VPS13B: variants seen among roughly 807,000 people sequenced by gnomAD.
VPS13B encodes vacuolar protein sorting 13 homolog B.
VPS13B carries 285 observed loss-of-function variants against 426.4 expected under a neutral mutation model. The ratio of observed to expected loss-of-function variants is 0.67; its 90% CI spans 0.61 to 0.74. The LOEUF is 0.74. Ranked by LOEUF, VPS13B falls within the 30% of genes least tolerant of loss-of-function variation. VPS13B has a pLI of 0.00. For synonymous variants in VPS13B, 1,676 were observed against 1,676.4 expected (o/e 1.00, Z 0.01); for missense variants, 4,537 against 4,782.6 (o/e 0.95, Z 1.51).
rs756048204 is a variant in VPS13B at position 99,835,243 on chromosome 8, A to G, written c.9661A>G (p.Thr3221Ala). 11 of 1,613,862 alleles carry G rather than the reference A, an allele frequency of 6.8e-6. No homozygotes were observed. Among genetic ancestry groups the G allele is most frequent in the Middle Eastern group, 1.6e-4 (1 of 6,080 alleles). The part of the protein sequence containing the change: ...YQEHLGVTYL[T>A]LSEDPSPRVI... ...AGAACACCTCGGAGTGACTTATTTAACCCTCTCAGAAGACCCTAGTCCTCG... is the reference window on the plus strand; with the variant it reads ...AGAACACCTCGGAGTGACTTATTTAGCCCTCTCAGAAGACCCTAGTCCTCG... The change falls in exon 53 of 62, where the codon ACC becomes GCC. Residue 3221 changes from threonine to alanine, a missense_variant. Coordinates refer to ENST00000357162, the MANE Select transcript of VPS13B (RefSeq NM_152564.5).
At position 99,410,784 on chromosome 8, in the gene VPS13B, A is replaced by T. The variant is rs551140060; in HGVS notation, c.3082+19080A>T. Among the ~76,000 whole-genome samples, 123 of 151,480 alleles carry T rather than the reference A, an allele frequency of 8.1e-4. 1 individual carries two copies. The South Asian group carries it at 0.025, about 31-fold the overall frequency. ...AGTGTCCATGTGTTCTTGTTGTTCA[A>T]CTCCCACTTACAAGTGAGATCATGT... is the stretch of plus-strand genomic sequence containing the variant. On this transcript the variant is annotated intron_variant, in intron 21 of 61. Coordinates refer to ENST00000357162, the MANE Select transcript of VPS13B (RefSeq NM_152564.5).
intron 17 of VPS13B, among the ~76,000 whole-genome samples, chr8:99,238,451 A>G (rs1816753115): frequency 6.6e-6 from 1 of 152,208 alleles, no homozygotes; most frequent in Non-Finnish European, 1.5e-5. Context: ...TAGGTGAAGG[A>G]TGATGCTTGA....
At chr8:99,266,096 A>G (rs550023435) in intron 17 of VPS13B, among the ~76,000 whole-genome samples, 2 of 152,288 alleles carry the variant, frequency 1.3e-5, no homozygotes, top group Non-Finnish European at 2.9e-5. Flanking sequence ...TAATATGTAC[A>G]TCATAACTAC....
intron 39 of VPS13B, among the ~76,000 whole-genome samples, chr8:99,747,797 GTTTTT>G (rs938801015): frequency 6.6e-6 from 1 of 151,666 alleles, no homozygotes; most frequent in African/African-American, 2.4e-5. Context: ...TCTTTCTGAG[GTTTTT>G]TGTTTTGTTT....
chr8:99,764,974 G>A (rs764884792), intron 39 of VPS13B, among the ~76,000 whole-genome samples: 6 of 152,120 alleles, frequency 3.9e-5, no homozygotes, highest in Non-Finnish European at 8.8e-5. Context: ...GGCTAGGCGC[G>A]GTGGCTCATG....
At chr8:99,400,665 T>A in intron 21 of VPS13B, among the ~76,000 whole-genome samples, 1 of 151,600 alleles carries the variant, frequency 6.6e-6, no homozygotes, top group African/African-American at 2.4e-5. Flanking sequence ...ATGGTATTAC[T>A]TTTTTTTGTT....
At chr8:99,248,062 C>G (rs902193765) in intron 17 of VPS13B, among the ~76,000 whole-genome samples, 2 of 152,122 alleles carry the variant, frequency 1.3e-5, no homozygotes, top group Admixed American at 6.5e-5. Flanking sequence ...TATAAAACTG[C>G]TGGTGAAATG....
intron 39 of VPS13B, among the ~76,000 whole-genome samples, chr8:99,729,833 C>T (rs1034434561): frequency 6.6e-5 from 10 of 152,078 alleles, no homozygotes; most frequent in Non-Finnish European, 1.5e-4. Context: ...TGTTCTGAGT[C>T]AGATAGTAAT....
chr8:99,736,895 T>C (rs1397770331), intron 39 of VPS13B, among the ~76,000 whole-genome samples: 1 of 152,090 alleles, frequency 6.6e-6, no homozygotes, highest in African/African-American at 2.4e-5. Context: ...ACCATTCTTA[T>C]TTTACAGATG....
intron 40 of VPS13B, among the ~76,000 whole-genome samples, chr8:99,775,671 G>A (rs1811706283): frequency 6.6e-6 from 1 of 152,198 alleles, no homozygotes; most frequent in African/African-American, 2.4e-5. Flanking sequence ...GCCAAGGCGG[G>A]TGGATCACTT....
intron 25 of VPS13B, among the ~76,000 whole-genome samples, chr8:99,490,386 G>T (rs1390526660): frequency 1.3e-5 from 2 of 152,144 alleles, no homozygotes; most frequent in Non-Finnish European, 2.9e-5. Context: ...TCTCTGCCAG[G>T]CTTTGGTATC....
intron 40 of VPS13B, among the ~76,000 whole-genome samples, chr8:99,772,448 C>T (rs1252657405): frequency 1.3e-5 from 2 of 151,974 alleles, no homozygotes; most frequent in Non-Finnish European, 1.5e-5. Context: ...TGGTGGCTGT[C>T]AGGGGCTGTG....
Position 99,169,865 on chromosome 8 carries a change from G to T in VPS13B, c.2209-174G>T, listed in dbSNP as rs1812225107. 1.3e-5 allele frequency among the ~76,000 whole-genome samples: 2 copies of T among 152,100 alleles called. 1 individual carries two copies. Among genetic ancestry groups the T allele is most frequent in the Middle Eastern group, 6.8e-3 (2 of 294 alleles). On this transcript the variant is annotated intron_variant, in intron 15 of 61. Coordinates refer to ENST00000357162, the MANE Select transcript of VPS13B (RefSeq NM_152564.5). The stretch of plus-strand genomic sequence containing the variant: ...CTGTATATTTAAGTTTCTTAATTTT[G>T]ACCTACTGTCAAATTGTATAGAAGA...
In VPS13B at chr8:99,821,262, ATTACT is replaced by A. The variant is rs748836866; in HGVS notation, c.8995-28_8995-24del. 15 of 1,611,146 alleles carry A rather than the reference ATTACT, an allele frequency of 9.3e-6. 1 individual carries two copies. In the East Asian group the frequency reaches 3.1e-4, roughly 34 times the overall value. On this transcript the variant is annotated intron_variant, in intron 49 of 61. Transcript: ENST00000357162. ...AGTAAAAAATATCAAAGGTAAGAAAATTACTTTATAATTGAGGCATTATTTTTCCA... is the reference window on the plus strand; with the variant it reads ...AGTAAAAAATATCAAAGGTAAGAAAATTATAATTGAGGCATTATTTTTCCA...
intron 58 of VPS13B, among the ~76,000 whole-genome samples, chr8:99,866,125 C>T (rs1817085224): frequency 6.6e-6 from 1 of 152,264 alleles, no homozygotes; most frequent in South Asian, 2.1e-4. Flanking sequence ...TGGTCGCCCA[C>T]CCCACGGGCC....
At position 99,102,964 on chromosome 8, in the gene VPS13B, A is replaced by G. The variant is rs2132453819; in HGVS notation, c.424A>G (p.Ser142Gly). The G allele has an allele frequency of 6.2e-7, 1 of 1,605,826 alleles. No homozygotes were observed. The highest frequency in any genetic ancestry group is 1.7e-5 in the Admixed American group (1 of 60,004). The change falls in exon 5 of 62, where the codon AGT (serine) becomes GGT (glycine). Residue 142 changes from serine to glycine, a missense_variant. Transcript: ENST00000357162. Reference sequence around the variant, plus strand: ...TTTCTATTTTATAGGTTATGTGCAGAGTCTGATTAGACGAGTTGTAAATAA... The same window carrying G: ...TTTCTATTTTATAGGTTATGTGCAGGGTCTGATTAGACGAGTTGTAAATAA... ...DPDLPPGYVQ[S>G]LIRRVVNNVN...
intron 55 of VPS13B, among the ~76,000 whole-genome samples, chr8:99,849,251 A>G (rs1167106293): frequency 6.6e-6 from 1 of 152,204 alleles, no homozygotes; most frequent in Non-Finnish European, 1.5e-5. Context: ...GCTACATCAA[A>G]TATAAATACG....
chr8:99,377,736 T>C, intron 19 of VPS13B, among the ~76,000 whole-genome samples: 1 of 152,084 alleles, frequency 6.6e-6, no homozygotes, highest in East Asian at 1.9e-4. Flanking sequence ...GGGGGAGACA[T>C]CACATGTTGG....
At chr8:99,622,034 G>A (rs142669061) in intron 33 of VPS13B, among the ~76,000 whole-genome samples, 1,651 of 151,976 alleles carry the variant, frequency 0.011, 11 homozygotes, top group Admixed American at 0.017. Flanking sequence ...GTTTCACCAT[G>A]TTGGTCAGGC....
Sources: allele counts gnomAD v4.1 joint callset (sites outside exome capture counted in the v4.1 genomes callset), GRCh38; gene constraint gnomAD v4.1.1; transcripts MANE v1.5; gene names NCBI Gene and HGNC (gene_info 2026-07-23, HGNC 2026-07-21).